Variants in CFTR observed in about 807,000 individuals in gnomAD.
CFTR encodes CF transmembrane conductance regulator.
In CFTR, 181 loss-of-function variants were observed where a neutral mutation model predicts 171.6. The observed-to-expected ratio is 1.05, with a 90% CI of 0.93 to 1.19. The LOEUF is 1.19. Ranked by LOEUF, CFTR falls within the 50% of genes most tolerant of loss-of-function variation. The pLI, the probability that CFTR is intolerant of heterozygous loss-of-function variation, is 0.00. For synonymous variants in CFTR, 583 were observed against 608.0 expected (o/e 0.96, Z 0.60); for missense variants, 1,968 against 1,734.7 (o/e 1.13, Z -2.39).
At chr7:117,488,000 TTTTA>T (rs1399447269) in intron 1 of CFTR, 2 of 152,100 alleles carry the variant, frequency 1.3e-5, no homozygotes, top group South Asian at 2.1e-4. Context: ...CCTTTGTACG[TTTTA>T]TTTATTTTAA....
At position 117,642,568 on chromosome 7, in the gene CFTR, G is replaced by A. The variant is rs77902683; in HGVS notation, c.3848G>A (p.Arg1283Lys). ...GATTCAATAACTTTGCAACAGTGGA[G>A]GAAAGCCTTTGGAGTGATACCACAG... ...SWDSITLQQWRKAFGVIPQKV... is the reference protein window; with the variant it reads ...SWDSITLQQWKKAFGVIPQKV... Residue 1283 changes from arginine (R) to lysine (K), a missense_variant, in exon 23 of 27, where the codon AGG becomes AAG. Transcript: ENST00000003084. 1.2e-6 allele frequency: 2 copies of A among 1,613,476 alleles called. No individual in the cohort carries two copies. The highest frequency in any genetic ancestry group is 2.2e-5 in the South Asian group (2 of 91,068).
At chr7:117,511,357 G>C (rs1399474483) in intron 3 of CFTR, among the ~76,000 whole-genome samples, 1 of 152,190 alleles carries the variant, frequency 6.6e-6, no homozygotes, top group Non-Finnish European at 1.5e-5. Context: ...TATGTATGGA[G>C]AAAGACTAAA....
rs1800107 is a variant in CFTR, at chr7:117,603,600, G to T, written c.2726G>T (p.Ser909Ile). 2 of 1,613,876 alleles carry T rather than the reference G, an allele frequency of 1.2e-6. No individual in the cohort carries two copies. Among genetic ancestry groups the T allele is most frequent in the Non-Finnish European group, 1.7e-6 (2 of 1,179,914 alleles). The change falls in exon 17 of 27, where the codon AGC (serine) becomes ATC (isoleucine). Residue 909 changes from serine to isoleucine, a missense_variant. Physicochemically the swap from Ser to Ile is moderately radical, Grantham distance 142 (BLOSUM62 -2). Coordinates refer to ENST00000003084, the MANE Select transcript of CFTR (RefSeq NM_000492.4). The stretch of plus-strand genomic sequence containing the variant: ...AACAGCTATGCAGTGATTATCACCA[G>T]CACCAGTTCGTATTATGTGTTTTAC... ...RNNSYAVIIT[S>I]TSSYYVFYIY...
At chr7:117,590,273 A>T in intron 12 of CFTR, 80 bp from the exon 13 acceptor site, 1 of 1,530,348 alleles carries the variant, frequency 6.5e-7, no homozygotes, top group Non-Finnish European at 8.9e-7. Context: ...GCATGTAGTG[A>T]ACTGTTTAAG....
chr7:117,656,778 A>G (rs1161939477), intron 24 of CFTR, among the ~76,000 whole-genome samples: 1 of 152,180 alleles, frequency 6.6e-6, no homozygotes, highest in African/African-American at 2.4e-5. Flanking sequence ...CTTCTTAGAG[A>G]ACAACTGTAT....
At chr7:117,548,535 G>T in intron 9 of CFTR, 106 bp from the exon 10 acceptor site, 1 of 1,541,340 alleles carries the variant, frequency 6.5e-7, no homozygotes, top group Non-Finnish European at 8.8e-7. Flanking sequence ...TGGGCCATGT[G>T]CTTTTCAAAC....
Position 117,508,428 on chromosome 7 carries a change from A to G in CFTR, c.165-606A>G, listed in dbSNP as rs558649039. ...CTATTCTTACTATAATAGAAAATATATAATTTGATCTTGTTCTCATTTTTC... is the reference window on the plus strand; with the variant it reads ...CTATTCTTACTATAATAGAAAATATGTAATTTGATCTTGTTCTCATTTTTC... On this transcript the variant is annotated intron_variant, in intron 2 of 26. Coordinates refer to ENST00000003084, the MANE Select transcript of CFTR (RefSeq NM_000492.4). 7.9e-5 allele frequency among the ~76,000 whole-genome samples: 12 copies of G among 152,330 alleles called. No homozygotes were observed. In the East Asian group the frequency reaches 2.3e-3, roughly 29 times the overall value.
At chr7:117,525,509 G>A (rs1293780959) in intron 3 of CFTR, among the ~76,000 whole-genome samples, 7 of 91,586 alleles carry the variant, frequency 7.6e-5, no homozygotes, top group Admixed American at 1.3e-4. Flanking sequence ...ATTAATGTGT[G>A]GGAGTCTAAG....
At chr7:117,557,689 CTTTG>C (rs1799383021) in intron 10 of CFTR, among the ~76,000 whole-genome samples, 1 of 151,430 alleles carries the variant, frequency 6.6e-6, no homozygotes, top group Admixed American at 6.6e-5. Context: ...TTTTTTGTTT[CTTTG>C]TTTGTATTTA....
At chr7:117,549,271 T>C (rs1287429016) in intron 10 of CFTR, among the ~76,000 whole-genome samples, 1 of 152,176 alleles carries the variant, frequency 6.6e-6, no homozygotes, top group African/African-American at 2.4e-5. Context: ...GATTTGCTTA[T>C]GATATATTAT....
rs397508435 is a variant in CFTR, at chr7:117,603,654, T to A, written c.2780T>A (p.Leu927His). Residue 927 changes from leucine to histidine, a missense_variant, in exon 17 of 27, where the codon CTT (leucine) becomes CAT (histidine). Physicochemically the swap from Leu to His is moderately conservative, Grantham distance 99. Transcript: ENST00000003084. ...YIYVGVADTL[L>H]AMGFFRGLPL... ...TACGTGGGAGTAGCCGACACTTTGC[T>A]TGCTATGGGATTCTTCAGAGGTCTA... The A allele has an allele frequency of 1.2e-6, 2 of 1,614,002 alleles. No individual in the cohort carries two copies. Among genetic ancestry groups the A allele is most frequent in the Admixed American group, 1.7e-5 (1 of 59,970 alleles).
intron 3 of CFTR, among the ~76,000 whole-genome samples, chr7:117,515,800 ATTTG>A (rs1159633944): frequency 2.0e-5 from 3 of 151,982 alleles, no homozygotes; most frequent in African/African-American, 7.2e-5. Context: ...CACTTTTTCC[ATTTG>A]TTTGTGTTCT....
intron 11 of CFTR, chr7:117,564,584 G>T (rs532059220): frequency 1.2e-5 from 2 of 166,466 alleles, no homozygotes; most frequent in African/African-American, 2.4e-5. Flanking sequence ...ATGAAGCCCC[G>T]ATCACCAAAT....
At chr7:117,482,159 T>C (rs1480481371) in intron 1 of CFTR, among the ~76,000 whole-genome samples, 3 of 152,208 alleles carry the variant, frequency 2.0e-5, no homozygotes, top group African/African-American at 7.2e-5. Context: ...GAGAATTTAA[T>C]TTATGAAAAA....
At chr7:117,612,242 C>G (rs1442910978) in intron 20 of CFTR, among the ~76,000 whole-genome samples, 1 of 149,980 alleles carries the variant, frequency 6.7e-6, no homozygotes, top group Non-Finnish European at 1.5e-5. Context: ...TTTACACACA[C>G]ACACACACAC....
At chr7:117,482,174 G>T (rs1439188887) in intron 1 of CFTR, among the ~76,000 whole-genome samples, 1 of 152,062 alleles carries the variant, frequency 6.6e-6, no homozygotes, top group Non-Finnish European at 1.5e-5. Context: ...GAAAAATTGT[G>T]TTTCACATGG....
intron 10 of CFTR, among the ~76,000 whole-genome samples, chr7:117,557,104 T>C (rs1402555391): frequency 1.3e-5 from 2 of 152,194 alleles, no homozygotes; most frequent in Non-Finnish European, 2.9e-5. Flanking sequence ...CTGTATATTA[T>C]GTATTCTGAT....
chr7:117,642,353 T>C (rs1792929019), intron 22 of CFTR, 85 bp from the exon 23 acceptor site: 2 of 1,299,176 alleles, frequency 1.5e-6, no homozygotes, highest in Admixed American at 3.4e-5. Flanking sequence ...ATTCCAATGG[T>C]TTTTATTGAA....
chr7:117,524,159 C>T (rs1798731134), intron 3 of CFTR, among the ~76,000 whole-genome samples: 1 of 152,064 alleles, frequency 6.6e-6, no homozygotes. Flanking sequence ...TTATGCTAAT[C>T]ATGATATAAA....
Sources: allele counts gnomAD v4.1 joint callset (sites outside exome capture counted in the v4.1 genomes callset), GRCh38; gene constraint gnomAD v4.1.1; transcripts MANE v1.5; gene names NCBI Gene and HGNC (gene_info 2026-07-23, HGNC 2026-07-21).